Variants in RORA observed in about 807,000 individuals in gnomAD.
RORA encodes the protein RAR related orphan receptor A.
A neutral mutation model predicts 69.5 loss-of-function variants in RORA; 7 were observed. The ratio of observed to expected loss-of-function variants is 0.10; its 90% CI spans 0.06 to 0.19. RORA has a LOEUF of 0.19. Among genes scored for constraint, RORA ranks in the 10% least tolerant of loss-of-function variants. The pLI is 1.00. For missense variants in RORA, 457 were observed against 663.0 expected (o/e 0.69, Z 3.41); for synonymous variants, 261 against 240.8 (o/e 1.08, Z -0.78).
chr15:60,889,581 T>A (rs928179931), intron 1 of RORA, among the ~76,000 whole-genome samples: 1 of 152,178 alleles, frequency 6.6e-6, no homozygotes, highest in Non-Finnish European at 1.5e-5. Context: ...GAGAAGAGCA[T>A]CAGAGGCCTC....
chr15:60,908,677 G>A (rs1267573043), intron 1 of RORA, among the ~76,000 whole-genome samples: 1 of 151,934 alleles, frequency 6.6e-6, no homozygotes, highest in East Asian at 1.9e-4. Context: ...TTCTACAGTG[G>A]TCTCTCTCCC....
chr15:60,809,667 A>G (rs969480390), intron 1 of RORA, among the ~76,000 whole-genome samples: 3 of 152,054 alleles, frequency 2.0e-5, no homozygotes, highest in African/African-American at 7.2e-5. Flanking sequence ...GCCAATTGCA[A>G]TTTATCACAG....
At chr15:60,999,095 T>C (rs1001650916) in intron 1 of RORA, among the ~76,000 whole-genome samples, 1 of 152,086 alleles carries the variant, frequency 6.6e-6, no homozygotes, top group South Asian at 2.1e-4. Flanking sequence ...TCATCAAGCA[T>C]GGTGGTTATC....
At position 60,499,981 on chromosome 15, in the gene RORA, C is replaced by T; in HGVS notation, c.1318G>A (p.Val440Ile). 1.2e-6 allele frequency: 2 copies of T among 1,611,664 alleles called. No individual in the cohort carries two copies. Among genetic ancestry groups the T allele is most frequent in the Non-Finnish European group, 1.7e-6 (2 of 1,178,516 alleles). ...TTCTGTTGCAGTTTTTCAATTTTTA[C>T]CTTTTCTTGCAGCCATGAGCGATCT... ...SADRSWLQEKVKIEKLQQKIQ... is the reference protein window; with the variant it reads ...SADRSWLQEKIKIEKLQQKIQ... The change falls in exon 10 of 11, where the codon GTA becomes ATA. Residue 440 changes from valine to isoleucine, a missense_variant. Around this residue, in one of 3 missense-constraint regions of RORA, gnomAD observed 304 missense variants for 447.4 expected, o/e 0.68. Transcript: ENST00000335670.
chr15:60,999,627 C>T (rs531917780), intron 1 of RORA, among the ~76,000 whole-genome samples: 33 of 152,316 alleles, frequency 2.2e-4, no homozygotes, highest in African/African-American at 7.5e-4. Context: ...CTGCCCCTGC[C>T]GCGGCCTTAT....
intron 2 of RORA, among the ~76,000 whole-genome samples, chr15:60,653,471 G>A (rs2140702548): frequency 6.6e-6 from 1 of 152,256 alleles, no homozygotes; most frequent in Non-Finnish European, 1.5e-5. Flanking sequence ...CTAAGCCTAG[G>A]GCTCCCGTCC....
chr15:60,998,244 G>A (rs945429487), intron 1 of RORA, among the ~76,000 whole-genome samples: 4 of 151,358 alleles, frequency 2.6e-5, no homozygotes, highest in African/African-American at 9.7e-5. Context: ...GCTCACTGTA[G>A]CCTCAAACTC....
intron 2 of RORA, among the ~76,000 whole-genome samples, chr15:60,607,148 T>C (rs968021306): frequency 6.6e-6 from 1 of 152,020 alleles, no homozygotes; most frequent in Non-Finnish European, 1.5e-5. Context: ...ACCTAAGAAC[T>C]CAAAAAGTAT....
chr15:60,880,484 C>CA (rs1567223630), intron 1 of RORA, among the ~76,000 whole-genome samples: 1 of 152,096 alleles, frequency 6.6e-6, no homozygotes, highest in Non-Finnish European at 1.5e-5. Flanking sequence ...ACTAAAAATA[C>CA]AAAAATTAGC....
intron 1 of RORA, among the ~76,000 whole-genome samples, chr15:61,153,166 G>A (rs28437371): frequency 0.043 from 6,523 of 152,244 alleles, 476 homozygotes; most frequent in African/African-American, 0.15. Context: ...GGATTGGAAG[G>A]AGAGGATTCC....
At chr15:60,592,265 G>T in intron 2 of RORA, 1 of 631,262 alleles carries the variant, frequency 1.6e-6, no homozygotes, top group Non-Finnish European at 2.2e-6. Context: ...CAGGGCCCCC[G>T]CGCCGAGCCC....
Position 60,950,354 on chromosome 15 carries a change from T to C in RORA, c.167-271668A>G, listed in dbSNP as rs531323967. ...AAATCATGCCAAAATGTAAAGACCA[T>C]CGAGACTAGGAAGAAACTGCATCAA... On this transcript the variant is annotated intron_variant, in intron 1 of 10. Coordinates refer to ENST00000335670, the MANE Select transcript of RORA (RefSeq NM_134261.3). Among the ~76,000 whole-genome samples the C allele has an allele frequency of 3.2e-5, 4 of 124,842 alleles. No homozygotes were observed. In the East Asian group the frequency reaches 9.7e-4, roughly 30 times the overall value. The allele number at this position is 124,842 out of a possible 152,430, so 81.9% of individuals were successfully genotyped here. A position where few individuals can be genotyped will look rare whatever the true frequency, so the allele number is the denominator to read the frequency against.
At chr15:60,980,346 C>T (rs1448960788) in intron 1 of RORA, among the ~76,000 whole-genome samples, 1 of 152,032 alleles carries the variant, frequency 6.6e-6, no homozygotes, top group African/African-American at 2.4e-5. Flanking sequence ...GCTTTCCTTT[C>T]TTGGGATACC....
chr15:60,512,836 G>A (rs963112111), intron 4 of RORA, among the ~76,000 whole-genome samples: 6 of 152,174 alleles, frequency 3.9e-5, no homozygotes, highest in Admixed American at 3.3e-4. Flanking sequence ...GAAACACCAA[G>A]ATAACTGAAA....
intron 2 of RORA, among the ~76,000 whole-genome samples, chr15:60,613,860 G>T (rs1366616154): frequency 2.0e-5 from 3 of 151,468 alleles, no homozygotes; most frequent in African/African-American, 7.3e-5. Context: ...TCATGGGAAG[G>T]CCTTATGGGA....
intron 1 of RORA, among the ~76,000 whole-genome samples, chr15:61,228,193 C>G (rs2080165612): frequency 6.6e-6 from 1 of 152,188 alleles, no homozygotes; most frequent in Admixed American, 6.5e-5. Context: ...ATTCCCAGAG[C>G]AGAAATAAGT....
intron 1 of RORA, among the ~76,000 whole-genome samples, chr15:60,859,841 C>A (rs1024375436): frequency 6.6e-6 from 1 of 152,024 alleles, no homozygotes; most frequent in African/African-American, 2.4e-5. Context: ...TGCTGAATTT[C>A]TCTCTCCTCC....
chr15:60,518,328 A>G (rs1434868471), intron 3 of RORA, among the ~76,000 whole-genome samples: 1 of 152,272 alleles, frequency 6.6e-6, no homozygotes, highest in Non-Finnish European at 1.5e-5. Flanking sequence ...ACATAGAAGC[A>G]TATATTAATC....
chr15:60,622,074 C>A (rs1271074015), intron 2 of RORA, among the ~76,000 whole-genome samples: 1 of 151,650 alleles, frequency 6.6e-6, no homozygotes. Context: ...GGAATGTTCC[C>A]TCCATGTAGT....
Sources: allele counts gnomAD v4.1 joint callset (sites outside exome capture counted in the v4.1 genomes callset), GRCh38; gene constraint gnomAD v4.1.1; regional missense constraint gnomAD v4.1.1; transcripts MANE v1.5; gene names NCBI Gene and HGNC (gene_info 2026-07-23, HGNC 2026-07-21).